The following RFX8 variants were observed in gnomAD, a reference collection of about 807,000 sequenced individuals.
RFX8 encodes the protein DNA-binding protein RFX8.
A neutral mutation model predicts 54.6 loss-of-function variants in RFX8; 46 were observed. That is an observed-to-expected ratio of 0.84 (90% CI 0.67 to 1.08). The LOEUF (loss-of-function observed/expected upper bound fraction) is 1.08, where lower values mean the gene tolerates loss of function less well. RFX8 is among the 50% of genes least tolerant of loss of function. The pLI, the probability that RFX8 is intolerant of heterozygous loss-of-function variation, is 0.00. For synonymous variants in RFX8, 192 were observed against 209.5 expected (o/e 0.92, Z 0.72); for missense variants, 536 against 562.3 (o/e 0.95, Z 0.47).
intron 2 of RFX8, among the ~76,000 whole-genome samples, chr2:101,437,265 G>A (rs557101590): frequency 6.6e-6 from 1 of 151,490 alleles, no homozygotes; most frequent in Admixed American, 6.6e-5. Context: ...AATAAGACCC[G>A]TCTCTTACAA....
chr2:101,428,092 G>A (rs1042945703), intron 2 of RFX8, among the ~76,000 whole-genome samples: 8 of 152,070 alleles, frequency 5.3e-5, no homozygotes, highest in Middle Eastern at 3.4e-3. Flanking sequence ...TCAGGAGTTC[G>A]AGACCAGCCT....
intron 2 of RFX8, among the ~76,000 whole-genome samples, chr2:101,427,264 T>C (rs907781229): frequency 6.6e-6 from 1 of 152,176 alleles, no homozygotes; most frequent in Non-Finnish European, 1.5e-5. Context: ...CAGATGTGAT[T>C]AAGATTAAAG....
chr2:101,454,489 T>C (rs944065422), intron 2 of RFX8, among the ~76,000 whole-genome samples: 1 of 152,242 alleles, frequency 6.6e-6, no homozygotes, highest in Admixed American at 6.5e-5. Flanking sequence ...TCCACAATGG[T>C]TGAACTAATA....
rs1688844065 is a variant in RFX8, at chr2:101,454,150, T to C, written c.72+12627A>G. On this transcript the variant is annotated intron_variant, in intron 2 of 11. Coordinates refer to ENST00000428343, the MANE Select transcript of RFX8 (RefSeq NM_001145664.2). ...CCTATGAGTGAGAACATGCAGTGTT[T>C]GGTTTTCTGTCCTTGTGATAGTTTG... 3.3e-5 allele frequency among the ~76,000 whole-genome samples: 5 copies of C among 152,020 alleles called. No individual in the cohort carries two copies. In the South Asian group the frequency reaches 1.0e-3, roughly 32 times the overall value.
intron 2 of RFX8, chr2:101,435,255 C>T (rs1456919995): frequency 6.6e-6 from 1 of 152,264 alleles, no homozygotes; most frequent in Non-Finnish European, 1.5e-5. Context: ...GTTTTAGAGG[C>T]TTTTTAAAGG....
At chr2:101,462,925 T>C (rs1425292904) in intron 2 of RFX8, among the ~76,000 whole-genome samples, 1 of 152,138 alleles carries the variant, frequency 6.6e-6, no homozygotes, top group Non-Finnish European at 1.5e-5. Flanking sequence ...CTCAAAAGGA[T>C]TCTTTATAAT....
intron 2 of RFX8, among the ~76,000 whole-genome samples, chr2:101,435,592 CCT>C (rs1399365316): frequency 6.6e-6 from 1 of 152,170 alleles, no homozygotes; most frequent in Non-Finnish European, 1.5e-5. Context: ...TCTCCACTCC[CCT>C]GTTCCCCTAG....
chr2:101,409,427 C>G (rs549813404), intron 9 of RFX8, among the ~76,000 whole-genome samples: 1 of 151,424 alleles, frequency 6.6e-6, no homozygotes, highest in African/African-American at 2.4e-5. Context: ...GGGGTTTCAC[C>G]GTGTTAGCCA....
chr2:101,457,287 A>C (rs528678473), intron 2 of RFX8, among the ~76,000 whole-genome samples: 1 of 151,942 alleles, frequency 6.6e-6, no homozygotes, highest in African/African-American at 2.4e-5. Context: ...TAGTTCTTTT[A>C]ATTGTGATGT....
intron 2 of RFX8, among the ~76,000 whole-genome samples, chr2:101,447,873 G>A (rs950763507): frequency 5.3e-5 from 8 of 152,062 alleles, no homozygotes; most frequent in Non-Finnish European, 8.8e-5. Flanking sequence ...TTTGTCTTTC[G>A]TGTCTGGCTT....
chr2:101,471,227 A>G (rs1380054588), intron 1 of RFX8, among the ~76,000 whole-genome samples: 1 of 151,868 alleles, frequency 6.6e-6, no homozygotes, highest in Non-Finnish European at 1.5e-5. Context: ...CCAGCTACTC[A>G]GGAGGCTGAG....
At chr2:101,410,391 TCACACACA>T (rs5832965) in intron 9 of RFX8, among the ~76,000 whole-genome samples, 4 of 119,508 alleles carry the variant, frequency 3.3e-5, no homozygotes, top group African/African-American at 1.1e-4. Flanking sequence ...ATGCCCACAC[TCACACACA>T]CACACACACA....
chr2:101,421,201 C>T (rs1183224311), intron 4 of RFX8: 2 of 963,134 alleles, frequency 2.1e-6, no homozygotes, highest in Non-Finnish European at 2.5e-6. Context: ...TGAATGTGCA[C>T]TTGTTTCCTT....
chr2:101,424,405 T>C (rs6748663), intron 2 of RFX8, among the ~76,000 whole-genome samples: 6,270 of 152,278 alleles, frequency 0.041, 203 homozygotes, highest in Admixed American at 0.11. Flanking sequence ...TAGGAATGCT[T>C]TTACACTGTT....
intron 6 of RFX8, among the ~76,000 whole-genome samples, chr2:101,415,151 T>C (rs1283363071): frequency 6.6e-6 from 1 of 152,148 alleles, no homozygotes; most frequent in Non-Finnish European, 1.5e-5. Flanking sequence ...ACATGCGTGC[T>C]ACTATGATCT....
intron 2 of RFX8, among the ~76,000 whole-genome samples, chr2:101,457,315 A>G (rs1689029266): frequency 1.3e-5 from 2 of 152,050 alleles, no homozygotes; most frequent in Admixed American, 1.3e-4. Context: ...TCGATTTTAG[A>G]TCTTTCCTGC....
chr2:101,413,885 G>GGGA (rs1686319215), intron 7 of RFX8, among the ~76,000 whole-genome samples: 1 of 152,150 alleles, frequency 6.6e-6, no homozygotes, highest in African/African-American at 2.4e-5. Context: ...GCTCTGCACT[G>GGGA]GGAGGATGGG....
intron 2 of RFX8, among the ~76,000 whole-genome samples, chr2:101,424,311 C>A (rs913737900): frequency 6.6e-6 from 1 of 152,148 alleles, no homozygotes; most frequent in Non-Finnish European, 1.5e-5. Flanking sequence ...ATGACAACCA[C>A]AATGAGATAT....
At chr2:101,398,456 A>G (rs1254672889) in intron 11 of RFX8, among the ~76,000 whole-genome samples, 4 of 152,106 alleles carry the variant, frequency 2.6e-5, no homozygotes, top group Non-Finnish European at 4.4e-5. Context: ...GACGGGTACT[A>G]ATCCCCACAT....
Sources: allele counts gnomAD v4.1 joint callset (sites outside exome capture counted in the v4.1 genomes callset), GRCh38; gene constraint gnomAD v4.1.1; transcripts MANE v1.5; gene names NCBI Gene and HGNC (gene_info 2026-07-23, HGNC 2026-07-21).